Variants in MRC2 observed in about 807,000 individuals in gnomAD.
MRC2 encodes the protein C-type mannose receptor 2.
In MRC2, 84 loss-of-function variants were observed where a neutral mutation model predicts 206.2. The ratio of observed to expected loss-of-function variants is 0.41; its 90% CI spans 0.34 to 0.49. The LOEUF (loss-of-function observed/expected upper bound fraction) is 0.49, where lower values mean the gene tolerates loss of function less well. Ranked by LOEUF, MRC2 falls within the 20% of genes least tolerant of loss-of-function variation. MRC2 has a pLI of 0.31. For missense variants in MRC2, 1,676 were observed against 2,001.5 expected (o/e 0.84, Z 3.10); for synonymous variants, 798 against 800.0 (o/e 1.00, Z 0.04).
rs921527528 is a variant in MRC2, at chr17:62,627,777, G to A, written c.-26G>A. 3 of 1,396,218 alleles carry A rather than the reference G, an allele frequency of 2.1e-6. No individual in the cohort carries two copies. Among genetic ancestry groups the A allele is most frequent in the Non-Finnish European group, 2.8e-6 (3 of 1,083,650 alleles). 86.5% of individuals were successfully genotyped at this position (1,396,218 alleles called of 1,614,324 possible). ...TTGCGCCTGTGCGCCCTCGGTCCCCGCGTCCACTGAGCGCCGCGCTCGGGG... is the reference window on the plus strand; with the variant it reads ...TTGCGCCTGTGCGCCCTCGGTCCCCACGTCCACTGAGCGCCGCGCTCGGGG... On this transcript the variant is annotated 5_prime_UTR_variant, in exon 1 of 30. Transcript: ENST00000303375.
At chr17:62,668,367 T>TAA (rs2088783700) in intron 6 of MRC2, among the ~76,000 whole-genome samples, 1 of 111,566 alleles carries the variant, frequency 9.0e-6, no homozygotes, top group East Asian at 2.7e-4. Context: ...AAAAAATAAA[T>TAA]AAATAAATAA....
rs940870117 is a variant in MRC2 at position 62,680,128 on chromosome 17, C to G, written c.2299-42C>G. On this transcript the variant is annotated intron_variant, in intron 14 of 29. Transcript: ENST00000303375. The surrounding 1 kb of genome is among the most constrained non-coding windows in gnomAD (Gnocchi z 4.8). ...TTCCGGGCATGGGGGCGGCCTGCAC[C>G]TTGCGCCTCACGTTCCTCTTCCCTC... 6.2e-7 allele frequency: 1 copy of G among 1,612,718 alleles called. No individual in the cohort carries two copies. Among genetic ancestry groups the G allele is most frequent in the African/African-American group, 1.3e-5 (1 of 75,042 alleles).
In MRC2 at chr17:62,676,502, T is replaced by C; in HGVS notation, c.1805T>C (p.Met602Thr). 1 of 1,606,760 alleles carries C rather than the reference T, an allele frequency of 6.2e-7. No individual in the cohort carries two copies. The highest frequency in any genetic ancestry group is 8.5e-7 in the Non-Finnish European group (1 of 1,176,512). The stretch of plus-strand genomic sequence containing the variant: ...TTCTGGCTCAGTGGGGATGAAGTCA[T>C]GTACACCCACTGGAACCGGGACCAG... ...SFFWLSGDEV[M>T]YTHWNRDQPG... Residue 602 changes from methionine to threonine, a missense_variant, in exon 11 of 30, where the codon ATG becomes ACG. Physicochemically the swap from Met to Thr is moderately conservative, Grantham distance 81 (BLOSUM62 -1). Coordinates refer to ENST00000303375, the MANE Select transcript of MRC2 (RefSeq NM_006039.5).
chr17:62,687,717 A>G (rs1388285756), intron 20 of MRC2, among the ~76,000 whole-genome samples: 2 of 152,132 alleles, frequency 1.3e-5, no homozygotes, highest in African/African-American at 4.8e-5. Context: ...CCCCGTCTCT[A>G]CTAAAAATAC....
At chr17:62,682,938 G>T (rs2088987784) in intron 20 of MRC2, among the ~76,000 whole-genome samples, 1 of 152,032 alleles carries the variant, frequency 6.6e-6, no homozygotes, top group Admixed American at 6.6e-5. Context: ...ACCGCGCCCG[G>T]CCTGATTGCC....
Position 62,664,630 on chromosome 17 carries a change from T to C in MRC2, c.201T>C (p.Ala67=). 1.9e-6 allele frequency: 3 copies of C among 1,613,698 alleles called. No individual in the cohort carries two copies. The highest frequency in any genetic ancestry group is 2.5e-6 in the Non-Finnish European group (3 of 1,180,026). The change falls in exon 2 of 30, where the codon GCT becomes GCC. Residue 67 remains alanine (A), a synonymous_variant. Coordinates refer to ENST00000303375, the MANE Select transcript of MRC2 (RefSeq NM_006039.5). This position sits in a 1 kb window ranked among gnomAD's most constrained non-coding sequence, Gnocchi z 4.7. ...AQGGQVRVTP[A]CNTSLPAQRW... is the part of the protein sequence containing the mutation. ...GCGGGCAGGTCAGAGTCACCCCGGC[T>C]TGCAATACCAGCCTCCCTGCCCAGC...
chr17:62,674,262 ATGGCATCGCCCT>A, intron 9 of MRC2, 92 bp downstream of exon 9: 1 of 900,768 alleles, frequency 1.1e-6, no homozygotes, highest in East Asian at 2.9e-5. Context: ...GCTGCCTCGC[ATGGCATCGCCCT>A]CTCGTCGGCA....
chr17:62,662,774 TG>T (rs1337836012), intron 1 of MRC2, among the ~76,000 whole-genome samples: 5 of 151,782 alleles, frequency 3.3e-5, no homozygotes, highest in African/African-American at 9.7e-5. Context: ...TAGCCAGGTG[TG>T]GTGGTGCATG....
chr17:62,681,211 C>T, intron 18 of MRC2, 82 bp downstream of exon 18: 1 of 1,478,962 alleles, frequency 6.8e-7, no homozygotes, highest in Non-Finnish European at 9.3e-7. Context: ...GCATTTGAAT[C>T]CAGCCCTGCC....
intron 1 of MRC2, among the ~76,000 whole-genome samples, chr17:62,639,281 T>C (rs1031105644): frequency 1.3e-5 from 2 of 151,912 alleles, no homozygotes; most frequent in Non-Finnish European, 2.9e-5. Flanking sequence ...GAGGCAGAGG[T>C]TGTGGTGAGC....
Position 62,692,931 on chromosome 17 carries a change from C to G in MRC2, c.*480C>G, listed in dbSNP as rs1200443924. ...CTCCCTCTCGCCCCTTCTCTCCCAC[C>G]CCTTCCTTCTGAGCCGGGCCCTGGG... On this transcript the variant is annotated 3_prime_UTR_variant, in exon 30 of 30. Coordinates refer to ENST00000303375, the MANE Select transcript of MRC2 (RefSeq NM_006039.5). The surrounding 1 kb of genome is among the most constrained non-coding windows in gnomAD (Gnocchi z 4.2). The G allele has an allele frequency of 6.3e-6, 1 of 159,302 alleles. No individual in the cohort carries two copies. The highest frequency in any genetic ancestry group is 2.4e-5 in the African/African-American group (1 of 41,592). 9.9% of individuals were successfully genotyped at this position (159,302 alleles called of 1,614,324 possible).
rs1433743048 is a variant in MRC2 at position 62,667,304 on chromosome 17, G to A, written c.974-86G>A. On this transcript the variant is annotated intron_variant, in intron 5 of 29. Transcript: ENST00000303375. This position sits in a 1 kb window ranked among gnomAD's most constrained non-coding sequence, Gnocchi z 4.1. The stretch of plus-strand genomic sequence containing the variant: ...GGCTCAGGCTTCCGAGGGAGCAGAG[G>A]GAGGTAGGAGGTTCTGAGCAGGGCC... 4 of 1,477,988 alleles carry A rather than the reference G, an allele frequency of 2.7e-6. No individual in the cohort carries two copies. Among genetic ancestry groups the A allele is most frequent in the Non-Finnish European group, 3.6e-6 (4 of 1,109,444 alleles). 91.6% of individuals were successfully genotyped at this position (1,477,988 alleles called of 1,614,324 possible). A position where few individuals can be genotyped will look rare whatever the true frequency, so the allele number is the denominator to read the frequency against.
At chr17:62,681,740 C>T (rs2088968551) in intron 18 of MRC2, 97 bp from the exon 19 acceptor site, 2 of 969,078 alleles carry the variant, frequency 2.1e-6, no homozygotes, top group Admixed American at 2.3e-5. Flanking sequence ...AACCTGGGCC[C>T]TTCCCTGCCC....
chr17:62,665,012 G>A (rs1489241709), intron 2 of MRC2, 63 bp downstream of exon 2: 1 of 1,513,770 alleles, frequency 6.6e-7, no homozygotes, highest in African/African-American at 1.4e-5. Flanking sequence ...GGAGCCATGA[G>A]GGACAGATTC....
chr17:62,640,761 T>G (rs1647063632), intron 1 of MRC2, among the ~76,000 whole-genome samples: 1 of 151,630 alleles, frequency 6.6e-6, no homozygotes, highest in Non-Finnish European at 1.5e-5. Flanking sequence ...CTCGGCTCAC[T>G]GCAAGCTCTG....
rs1256570399 is a variant in MRC2 at position 62,693,459 on chromosome 17, T to G, written c.*1008T>G. On this transcript the variant is annotated 3_prime_UTR_variant, in exon 30 of 30. Transcript: ENST00000303375. Reference sequence around the variant, plus strand: ...TGCGGCCCATCCTGGTGCGACAGCGTGGGACAATGTGAACATGGACTCGAA... The same window carrying G: ...TGCGGCCCATCCTGGTGCGACAGCGGGGGACAATGTGAACATGGACTCGAA... 1.3e-5 allele frequency: 2 copies of G among 152,554 alleles called. No homozygotes were observed. The highest frequency in any genetic ancestry group is 4.8e-5 in the African/African-American group (2 of 41,418). The allele number at this position is 152,554 out of a possible 1,614,324, so 9.5% of individuals were successfully genotyped here. A position where few individuals can be genotyped will look rare whatever the true frequency, so the allele number is the denominator to read the frequency against.
At position 62,673,000 on chromosome 17, in the gene MRC2, A is replaced by AAAT. The variant is rs1555678714; in HGVS notation, c.1461+850_1461+851insTAA. On this transcript the variant is annotated intron_variant, in intron 8 of 29. Coordinates refer to ENST00000303375, the MANE Select transcript of MRC2 (RefSeq NM_006039.5). The surrounding 1 kb of genome is among the most constrained non-coding windows in gnomAD (Gnocchi z 4.5). The stretch of plus-strand genomic sequence containing the variant: ...GAGCAAGACCCTGTCTCAAAAAAAA[A>AAAT]AAAATAAAATAAAAAGGAGAAAGCC... 9.4e-4 allele frequency among the ~76,000 whole-genome samples: 142 copies of AAAT among 151,480 alleles called. 3 individuals are homozygous for AAAT. The South Asian group carries it at 0.013, about 14-fold the overall frequency.
chr17:62,669,496 G>T (rs573020835), intron 6 of MRC2, among the ~76,000 whole-genome samples: 1 of 151,686 alleles, frequency 6.6e-6, no homozygotes, highest in African/African-American at 2.4e-5. Flanking sequence ...GATTACAGGC[G>T]TGAGCCACCG....
At position 62,690,944 on chromosome 17, in the gene MRC2, T is replaced by C; in HGVS notation, c.4013-5T>C. 1 of 1,593,546 alleles carries C rather than the reference T, an allele frequency of 6.3e-7. No individual in the cohort carries two copies. The highest frequency in any genetic ancestry group is 8.5e-7 in the Non-Finnish European group (1 of 1,170,996). ...CCTGCTCCCTCAGTGCCTTCTTTCC[T>C]GCAGGAGGCACTCTGGTCTGGCAGG... On this transcript the variant is annotated splice_polypyrimidine_tract_variant and splice_region_variant and intron_variant, in intron 27 of 29. Transcript: ENST00000303375.
Sources: gnomAD v4.1 joint callset for allele counts (sites outside exome capture counted in the v4.1 genomes callset) on GRCh38, gnomAD v4.1.1 for gene constraint, Gnocchi (gnomAD v3.1) non-coding constraint, MANE v1.5 for transcripts, NCBI Gene and HGNC (gene_info 2026-07-23, HGNC 2026-07-21) for gene names.